Variants in RC3H2 observed in about 807,000 individuals in gnomAD.
RC3H2 encodes roquin-2.
Under a neutral mutation model 133.3 loss-of-function variants are expected in RC3H2, and 31 were observed. The ratio of observed to expected loss-of-function variants is 0.23; its 90% confidence interval spans 0.17 to 0.31. The LOEUF (loss-of-function observed/expected upper bound fraction) is 0.31. RC3H2 is among the 10% of genes least tolerant of loss of function. The pLI, the probability that RC3H2 is intolerant of heterozygous loss-of-function variation, is 1.00. For missense variants in RC3H2, 1,175 were observed against 1,437.2 expected, an observed-to-expected ratio of 0.82 and a Z score of 2.95; for synonymous variants, 517 against 502.2, an observed-to-expected ratio of 1.03 and a Z score of -0.40.
At chr9:122,902,950 T>A (rs1028616730) in intron 1 of RC3H2, among the ~76,000 whole-genome samples, 2 of 152,182 alleles carry the variant, frequency 1.3e-5, no homozygotes, top group Non-Finnish European at 2.9e-5. Flanking sequence ...GTTGTCAATA[T>A]TAAAATTACT....
chr9:122,869,614 G>A (rs1482889311), intron 9 of RC3H2, among the ~76,000 whole-genome samples: 1 of 147,494 alleles, frequency 6.8e-6, no homozygotes, highest in Non-Finnish European at 1.5e-5. Context: ...CCAGGCTGGA[G>A]TGCAATAGTG....
intron 4 of RC3H2, among the ~76,000 whole-genome samples, chr9:122,884,580 C>T (rs1298512849): frequency 3.3e-5 from 5 of 152,162 alleles, no homozygotes; most frequent in South Asian, 2.1e-4. Context: ...AGACTGGGCA[C>T]GCTGGCTCAT....
intron 10 of RC3H2, among the ~76,000 whole-genome samples, chr9:122,861,403 T>A (rs1265238838): frequency 6.7e-6 from 1 of 148,410 alleles, no homozygotes; most frequent in Non-Finnish European, 1.5e-5. Context: ...GGCAGGAGAA[T>A]CGCTTGAACC....
Position 122,854,607 on chromosome 9 carries a change from G to T in RC3H2, c.2824C>A (p.Pro942Thr). 1 of 1,610,048 alleles carries T rather than the reference G, an allele frequency of 6.2e-7. No homozygotes were observed. Among genetic ancestry groups the T allele is most frequent in the Non-Finnish European group, 8.5e-7 (1 of 1,176,422 alleles). The change falls in exon 16 of 21, where the codon CCT becomes ACT. Residue 942 changes from proline to threonine, a missense_variant. This residue lies in a region of RC3H2 where 138 missense variants were observed against 215.0 expected (regional missense o/e 0.64). Coordinates refer to ENST00000357244, the MANE Select transcript of RC3H2 (RefSeq NM_001100588.3). ...CTTGAATCAACAGCATTGACATAAGGGACATAATCTACAGACATGTAGAAT... is the reference window on the plus strand; with the variant it reads ...CTTGAATCAACAGCATTGACATAAGTGACATAATCTACAGACATGTAGAAT... Reference protein sequence around the residue: ...TKPISVSDYVPYVNAVDSRWS... With the variant: ...TKPISVSDYVTYVNAVDSRWS...
At chr9:122,894,767 C>T (rs1456380740) in intron 2 of RC3H2, among the ~76,000 whole-genome samples, 3 of 152,014 alleles carry the variant, frequency 2.0e-5, no homozygotes, top group Non-Finnish European at 4.4e-5. Context: ...GCAACCCCAG[C>T]TACTTGGGAG....
At position 122,865,376 on chromosome 9, in the gene RC3H2, C is replaced by A; in HGVS notation, c.1607G>T (p.Gly536Val). The A allele has an allele frequency of 1.2e-6, 2 of 1,611,874 alleles. No individual in the cohort carries two copies. Among genetic ancestry groups the A allele is most frequent in the African/African-American group, 1.3e-5 (1 of 74,998 alleles). ...KVGANGQNAA[G>V]PSADSVTENK... ...TTCAGTTACAGAATCTGCAGAGGGC[C>A]CAGCAGCATTCTGACCATTAGCGCC... Residue 536 changes from glycine to valine, a missense_variant, in exon 10 of 21, where the codon GGG becomes GTG. Physicochemically the swap from Gly to Val is moderately radical, Grantham distance 109 (BLOSUM62 -3). Transcript: ENST00000357244.
chr9:122,884,820 TCC>T (rs1831831901), intron 4 of RC3H2, among the ~76,000 whole-genome samples: 1 of 147,638 alleles, frequency 6.8e-6, no homozygotes, highest in Non-Finnish European at 1.5e-5. Context: ...GCCACTGCAC[TCC>T]AGCCTGGCGA....
chr9:122,870,524 C>G (rs138840332), intron 9 of RC3H2, among the ~76,000 whole-genome samples: 21 of 152,104 alleles, frequency 1.4e-4, no homozygotes, highest in African/African-American at 5.1e-4. Context: ...AAATCTTAAC[C>G]AAGTGAGGTA....
chr9:122,899,871 T>A (rs1455986356), intron 1 of RC3H2, among the ~76,000 whole-genome samples: 2 of 152,250 alleles, frequency 1.3e-5, no homozygotes, highest in Non-Finnish European at 2.9e-5. Flanking sequence ...ATGTTAATTC[T>A]GTGGGTTAGG....
At chr9:122,871,034 A>T (rs1831064257) in intron 9 of RC3H2, among the ~76,000 whole-genome samples, 1 of 152,128 alleles carries the variant, frequency 6.6e-6, no homozygotes. Context: ...CAGCTAGATG[A>T]TATTGTTTCC....
At chr9:122,869,843 T>C (rs1264648526) in intron 9 of RC3H2, among the ~76,000 whole-genome samples, 1 of 152,130 alleles carries the variant, frequency 6.6e-6, no homozygotes, top group African/African-American at 2.4e-5. Flanking sequence ...GTGCTGGGAT[T>C]ATAGGCATAA....
At chr9:122,877,975 A>G (rs1564303976) in intron 8 of RC3H2, among the ~76,000 whole-genome samples, 1 of 152,204 alleles carries the variant, frequency 6.6e-6, no homozygotes, top group Non-Finnish European at 1.5e-5. Context: ...TTTCTCAGAA[A>G]AGGTAGAATA....
chr9:122,857,992 T>C lies in RC3H2; in HGVS notation c.2385A>G (p.Ser795=). The C allele has an allele frequency of 6.2e-7, 1 of 1,614,186 alleles. No homozygotes were observed. The highest frequency in any genetic ancestry group is 8.5e-7 in the Non-Finnish European group (1 of 1,179,988). ...YHTQKAPLVS[S]TLPVATQSPT... ...GTGACTGTGTTGCCACAGGAAGAGTTGAAGAGACAAGAGGTGCTTTCTGAG... is the reference window on the plus strand; with the variant it reads ...GTGACTGTGTTGCCACAGGAAGAGTCGAAGAGACAAGAGGTGCTTTCTGAG... The change falls in exon 13 of 21, where the codon TCA becomes TCG. Residue 795 remains serine, a synonymous_variant. Transcript: ENST00000357244.
chr9:122,891,690 C>T (rs1832181957), intron 3 of RC3H2, among the ~76,000 whole-genome samples: 1 of 152,180 alleles, frequency 6.6e-6, no homozygotes, highest in African/African-American at 2.4e-5. Flanking sequence ...CTTTAGATAG[C>T]TGTTCAATAA....
chr9:122,897,838 T>G (rs557751769), intron 1 of RC3H2: 1 of 190,124 alleles, frequency 5.3e-6, no homozygotes, highest in Non-Finnish European at 1.1e-5. Flanking sequence ...AAAGCTTTTA[T>G]GTATTTTTCT....
At chr9:122,903,763 A>T (rs147012300) in intron 1 of RC3H2, among the ~76,000 whole-genome samples, 7 of 152,346 alleles carry the variant, frequency 4.6e-5, no homozygotes, top group Admixed American at 4.6e-4. Context: ...ATCAACGAAA[A>T]TGTCAATATT....
rs1829941107 is a variant in RC3H2 at position 122,849,549 on chromosome 9, T to C, written c.*78A>G. The C allele has an allele frequency of 1.8e-5, 9 of 501,914 alleles. No individual in the cohort carries two copies. The highest frequency in any genetic ancestry group is 2.7e-5 in the Non-Finnish European group (9 of 339,454). The allele number at this position is 501,914 out of a possible 1,614,324, so 31.1% of individuals were successfully genotyped here. A position where few individuals can be genotyped will look rare whatever the true frequency, so the allele number is the denominator to read the frequency against. On this transcript the variant is annotated 3_prime_UTR_variant, in exon 21 of 21. Coordinates refer to ENST00000357244, the MANE Select transcript of RC3H2 (RefSeq NM_001100588.3). ...TTTTTTAAAAAAAATATACATTATA[T>C]AATATATATTATATATATAAAAAGC...
chr9:122,851,086 C>T lies in RC3H2; in HGVS notation c.3375G>A (p.Val1125=). 1 of 1,614,070 alleles carries T rather than the reference C, an allele frequency of 6.2e-7. No homozygotes were observed. Among genetic ancestry groups the T allele is most frequent in the Non-Finnish European group, 8.5e-7 (1 of 1,180,006 alleles). ...ATTTTCTGTCTAACACTCACAGAAT[C>T]ACATGGTCTTCACCTAAACTCTGTT... ...QKKQSLGEDH[V]ILEEQKTILP... The change falls in exon 20 of 21, where the codon GTG becomes GTA. Residue 1125 remains valine (V), a synonymous_variant. Coordinates refer to ENST00000357244, the MANE Select transcript of RC3H2 (RefSeq NM_001100588.3).
intron 2 of RC3H2, among the ~76,000 whole-genome samples, chr9:122,895,526 C>A (rs753196843): frequency 1.3e-5 from 2 of 152,060 alleles, no homozygotes; most frequent in Non-Finnish European, 2.9e-5. Flanking sequence ...ATGTTGTTTG[C>A]AAGAGGCAAC....
Sources: allele counts gnomAD v4.1 joint callset (sites outside exome capture counted in the v4.1 genomes callset), GRCh38; gene constraint gnomAD v4.1.1; regional missense constraint gnomAD v4.1.1; transcripts MANE v1.5; gene names NCBI Gene and HGNC (gene_info 2026-07-23, HGNC 2026-07-21).